ADCY3: variants seen among roughly 807,000 people sequenced by gnomAD.
ADCY3 encodes adenylate cyclase type 3.
A neutral mutation model predicts 119.4 loss-of-function variants in ADCY3; 70 were observed. The observed-to-expected ratio is 0.59, with a 90% CI of 0.48 to 0.72. ADCY3 has a LOEUF of 0.72. Among genes scored for constraint, ADCY3 ranks in the 30% least tolerant of loss-of-function variants. ADCY3 has a pLI of 0.00. For synonymous variants in ADCY3, 672 were observed against 621.4 expected (o/e 1.08, Z -1.21); for missense variants, 1,238 against 1,541.6 (o/e 0.80, Z 3.30).
intron 3 of ADCY3, among the ~76,000 whole-genome samples, chr2:24,870,076 C>T (rs571675961): frequency 8.9e-4 from 135 of 151,606 alleles, no homozygotes; most frequent in Middle Eastern, 3.4e-3. Flanking sequence ...TTTGGGAAGC[C>T]GAGGCGGGTG....
chr2:24,866,297 C>G lies in ADCY3; in HGVS notation c.825+6273G>C, dbSNP rs7597157. On this transcript the variant is annotated intron_variant, in intron 3 of 21. Coordinates refer to ENST00000679454, the MANE Select transcript of ADCY3 (RefSeq NM_004036.5). ...ATTCAGAAGCACTACTATTTCCCAT[C>G]CACAATATCTAGTATTTAATTTTTA... is the stretch of plus-strand genomic sequence containing the variant. 2.0e-5 allele frequency among the ~76,000 whole-genome samples: 3 copies of G among 151,972 alleles called. No individual in the cohort carries two copies. In the East Asian group the frequency reaches 5.8e-4, roughly 29 times the overall value.
At chr2:24,825,692 T>C (rs1157063827) in intron 16 of ADCY3, 3 of 253,726 alleles carry the variant, frequency 1.2e-5, no homozygotes, top group African/African-American at 6.9e-5. Context: ...TGGTCAGTTG[T>C]GTTAATGTCC....
chr2:24,893,060 G>A (rs1017362009), intron 2 of ADCY3, among the ~76,000 whole-genome samples: 6 of 146,488 alleles, frequency 4.1e-5, no homozygotes, highest in Admixed American at 1.3e-4. Context: ...TTGAGACTGG[G>A]CCTTGCTCTG....
chr2:24,904,826 A>G (rs1343778430), intron 2 of ADCY3, among the ~76,000 whole-genome samples: 2 of 151,776 alleles, frequency 1.3e-5, no homozygotes, highest in African/African-American at 4.8e-5. Context: ...TTTTTAGTAG[A>G]GACAGGGTTG....
At chr2:24,914,436 G>A (rs1664183548) in intron 2 of ADCY3, among the ~76,000 whole-genome samples, 1 of 152,204 alleles carries the variant, frequency 6.6e-6, no homozygotes, top group Non-Finnish European at 1.5e-5. Flanking sequence ...ACTTTGGGAG[G>A]CTAAGGCAGG....
chr2:24,869,648 C>G (rs894076863), intron 3 of ADCY3, among the ~76,000 whole-genome samples: 1 of 152,106 alleles, frequency 6.6e-6, no homozygotes, highest in African/African-American at 2.4e-5. Flanking sequence ...CCAAGTGATC[C>G]TCCTGTCTCA....
At position 24,826,392 on chromosome 2, in the gene ADCY3, A is replaced by G. The variant is rs542900676; in HGVS notation, c.2496-266T>C. 1,164 of 419,440 alleles carry G rather than the reference A, an allele frequency of 2.8e-3. 7 individuals carry two copies. Among genetic ancestry groups the G allele is most frequent in the Non-Finnish European group, 4.2e-3 (969 of 233,070 alleles). 26.0% of individuals were successfully genotyped at this position (419,440 alleles called of 1,614,324 possible). A position where few individuals can be genotyped will look rare whatever the true frequency, so the allele number is the denominator to read the frequency against. On this transcript the variant is annotated intron_variant, in intron 15 of 21. Coordinates refer to ENST00000679454, the MANE Select transcript of ADCY3 (RefSeq NM_004036.5). Reference sequence around the variant, plus strand: ...CAGGGCTGCTCCCCAGGTATTTAAGAAACACTGCATTGCCTGACTGATCAC... The same window carrying G: ...CAGGGCTGCTCCCCAGGTATTTAAGGAACACTGCATTGCCTGACTGATCAC...
At chr2:24,832,761 C>T (rs6753096) in intron 11 of ADCY3, among the ~76,000 whole-genome samples, 40,088 of 152,156 alleles carry the variant, frequency 0.26, 5,422 homozygotes, top group Middle Eastern at 0.33. Flanking sequence ...CAACCCCACC[C>T]GCCCTCCAAA....
At chr2:24,866,459 C>T (rs950716303) in intron 3 of ADCY3, among the ~76,000 whole-genome samples, 1 of 150,498 alleles carries the variant, frequency 6.6e-6, no homozygotes, top group African/African-American at 2.5e-5. Context: ...CGCCTGCAGT[C>T]CTAGCTACTC....
Position 24,834,478 on chromosome 2 carries a change from C to G in ADCY3, c.1967+7G>C. The G allele has an allele frequency of 6.3e-7, 1 of 1,596,754 alleles. No homozygotes were observed. The highest frequency in any genetic ancestry group is 8.6e-7 in the Non-Finnish European group (1 of 1,169,180). On this transcript the variant is annotated splice_region_variant and intron_variant, in intron 11 of 21. Coordinates refer to ENST00000679454, the MANE Select transcript of ADCY3 (RefSeq NM_004036.5). This position sits in a 1 kb window ranked among gnomAD's most constrained non-coding sequence, Gnocchi z 4.2. ...AAACTCGTGGCCCTCCCCGGCCCCT[C>G]CCTCACCAGGGGTCGATGAGTATCT...
rs56672595 is a variant in ADCY3, at chr2:24,857,991, A to ATTTTTTTTT, written c.825+14570_825+14578dup. 7.8e-3 allele frequency among the ~76,000 whole-genome samples: 951 copies of ATTTTTTTTT among 122,332 alleles called. 31 individuals carry two copies. The highest frequency in any genetic ancestry group is 0.029 in the African/African-American group (859 of 29,410). The allele number at this position is 122,332 out of a possible 152,430, so 80.3% of individuals were successfully genotyped here. ...AAGTCCTGAAATACTTGTGGTCTGAATTTTTTTTTTTTTTTTTTTTTTTTA... is the reference window on the plus strand; with the variant it reads ...AAGTCCTGAAATACTTGTGGTCTGAATTTTTTTTTTTTTTTTTTTTTTTTTTTTTTTTTA... On this transcript the variant is annotated intron_variant, in intron 3 of 21. Transcript: ENST00000679454.
rs183427452 is a variant in ADCY3 at position 24,919,391 on chromosome 2, G to A, written c.-197-207C>T. 294 of 181,084 alleles carry A rather than the reference G, an allele frequency of 1.6e-3. No individual in the cohort carries two copies. Among genetic ancestry groups the A allele is most frequent in the African/African-American group, 6.8e-3 (287 of 42,216 alleles). The allele number at this position is 181,084 out of a possible 1,614,324, so 11.2% of individuals were successfully genotyped here. A position where few individuals can be genotyped will look rare whatever the true frequency, so the allele number is the denominator to read the frequency against. On this transcript the variant is annotated intron_variant, in intron 1 of 21. Transcript: ENST00000679454. The surrounding 1 kb of genome is among the most constrained non-coding windows in gnomAD (Gnocchi z 5.5). ...ACACTCAATTTCCTGTCCCTGGCTT[G>A]TGGAAGGGCCTAGCCGCCTTTCCAT...
At chr2:24,825,962 T>C (rs574293194) in intron 16 of ADCY3, 83 bp downstream of exon 16, 2 of 1,347,640 alleles carry the variant, frequency 1.5e-6, no homozygotes, top group East Asian at 4.7e-5. Flanking sequence ...CTTAGGAGCT[T>C]GGGCTCTTAG....
chr2:24,843,169 TGA>T (rs1251108213), intron 3 of ADCY3, among the ~76,000 whole-genome samples: 1 of 152,162 alleles, frequency 6.6e-6, no homozygotes, highest in African/African-American at 2.4e-5. Context: ...AAACATGGCT[TGA>T]GAGCTGGGCA....
Position 24,824,303 on chromosome 2 carries a change from G to A in ADCY3, c.2736+75C>T. 7 of 1,566,406 alleles carry A rather than the reference G, an allele frequency of 4.5e-6. No homozygotes were observed. The South Asian group carries it at 6.0e-5, about 13-fold the overall frequency. The stretch of plus-strand genomic sequence containing the variant: ...CTGTCCCTGAGAAGGCCTGGGCCCA[G>A]CGGGGGCTGCCTGAAAGAAAGAACA... On this transcript the variant is annotated intron_variant, in intron 17 of 21. Coordinates refer to ENST00000679454, the MANE Select transcript of ADCY3 (RefSeq NM_004036.5).
At chr2:24,824,120 G>T (rs972248526) in intron 17 of ADCY3, among the ~76,000 whole-genome samples, 1 of 152,278 alleles carries the variant, frequency 6.6e-6, no homozygotes, top group Admixed American at 6.5e-5. Context: ...AGAAAGGTGG[G>T]CTCTAGCCAA....
Position 24,890,038 on chromosome 2 carries a change from G to A in ADCY3, c.676-17319C>T, listed in dbSNP as rs541210061. ...GCTGAGAGGTATTATCTGAATGGAT[G>A]CTGAATTTTGTCAAATGCTTTTTTC... On this transcript the variant is annotated intron_variant, in intron 2 of 21. Coordinates refer to ENST00000679454, the MANE Select transcript of ADCY3 (RefSeq NM_004036.5). Among the ~76,000 whole-genome samples the A allele has an allele frequency of 1.5e-4, 23 of 152,270 alleles. No individual in the cohort carries two copies. In the South Asian group the frequency reaches 4.1e-3, roughly 27 times the overall value.
intron 2 of ADCY3, among the ~76,000 whole-genome samples, chr2:24,914,929 CACCTGCTCTTCCTGTCAGA>C (rs1266857427): frequency 2.6e-5 from 4 of 152,238 alleles, no homozygotes; most frequent in Middle Eastern, 3.4e-3. Context: ...ACTCCCTGAT[CACCTGCTCTTCCTGTCAGA>C]ACCCCACCCA....
chr2:24,860,225 G>A lies in ADCY3; in HGVS notation c.825+12345C>T, dbSNP rs111347416. 1.9e-3 allele frequency among the ~76,000 whole-genome samples: 292 copies of A among 152,304 alleles called. 2 individuals are homozygous for A. The highest frequency in any genetic ancestry group is 6.5e-3 in the African/African-American group (269 of 41,562). On this transcript the variant is annotated intron_variant, in intron 3 of 21. Coordinates refer to ENST00000679454, the MANE Select transcript of ADCY3 (RefSeq NM_004036.5). The stretch of plus-strand genomic sequence containing the variant: ...TGGGTGCCGCCTGTTGCCAGGTGGC[G>A]GCTGGGGTGCTTAGCAACCCTCAAG...
Sources: allele counts gnomAD v4.1 joint callset (sites outside exome capture counted in the v4.1 genomes callset), GRCh38; gene constraint gnomAD v4.1.1; non-coding constraint Gnocchi (gnomAD v3.1); transcripts MANE v1.5; gene names NCBI Gene and HGNC (gene_info 2026-07-23, HGNC 2026-07-21).